Variants in MEF2A observed in about 807,000 individuals in gnomAD.
The protein encoded by MEF2A is myocyte enhancer factor 2A.
In MEF2A, 28 loss-of-function variants were observed where a neutral mutation model predicts 55.8. The ratio of observed to expected loss-of-function variants is 0.50; its 90% CI spans 0.37 to 0.69. The LOEUF is 0.69. Among genes scored for constraint, MEF2A ranks in the 30% least tolerant of loss-of-function variants. MEF2A has a pLI of 0.00. For missense variants in MEF2A, 528 were observed against 626.2 expected, an observed-to-expected ratio of 0.84 and a Z score of 1.67; for synonymous variants, 239 against 227.1, an observed-to-expected ratio of 1.05 and a Z score of -0.47.
At chr15:99,702,663 G>A (rs1277289117) in intron 8 of MEF2A, among the ~76,000 whole-genome samples, 1 of 152,024 alleles carries the variant, frequency 6.6e-6, no homozygotes, top group South Asian at 2.1e-4. Flanking sequence ...CCTGACGTGA[G>A]CCACCGTGCC....
At chr15:99,610,427 A>ATG (rs1976803281) in intron 2 of MEF2A, among the ~76,000 whole-genome samples, 1 of 67,546 alleles carries the variant, frequency 1.5e-5, no homozygotes, top group Non-Finnish European at 2.3e-5. Context: ...CCCCCCCCCC[A>ATG]CCCCCCCCCG....
chr15:99,659,177 C>T (rs952310531), intron 4 of MEF2A, among the ~76,000 whole-genome samples: 1 of 151,834 alleles, frequency 6.6e-6, no homozygotes, highest in African/African-American at 2.4e-5. Flanking sequence ...AGATCTAGAA[C>T]AGAGTTACAT....
intron 9 of MEF2A, among the ~76,000 whole-genome samples, chr15:99,703,891 A>G (rs1445984171): frequency 6.6e-6 from 1 of 152,202 alleles, no homozygotes; most frequent in Non-Finnish European, 1.5e-5. Context: ...ACTAAAAGGA[A>G]TGTCTGTAAT....
Position 99,705,410 on chromosome 15 carries a change from C to T in MEF2A, c.883-1319C>T, listed in dbSNP as rs375799028. Reference sequence around the variant, plus strand: ...GAAAGCACTTCTGACATAGTAACCTCATTTGATTCTCACAGTAGCTGTGCA... The same window carrying T: ...GAAAGCACTTCTGACATAGTAACCTTATTTGATTCTCACAGTAGCTGTGCA... On this transcript the variant is annotated intron_variant, in intron 9 of 11. Coordinates refer to ENST00000557942, the MANE Select transcript of MEF2A (RefSeq NM_001319206.4). 4.1e-4 allele frequency among the ~76,000 whole-genome samples: 62 copies of T among 152,334 alleles called. 1 individual carries two copies. In the South Asian group the frequency reaches 0.012, roughly 31 times the overall value.
intron 1 of MEF2A, among the ~76,000 whole-genome samples, chr15:99,590,244 T>A (rs2152956024): frequency 6.6e-6 from 1 of 152,076 alleles, no homozygotes; most frequent in Non-Finnish European, 1.5e-5. Context: ...TGAAACGTAT[T>A]CCTTCTCCTA....
Position 99,633,145 on chromosome 15 carries a change from C to A in MEF2A, c.26C>A (p.Thr9Lys). 1 of 1,596,862 alleles carries A rather than the reference C, an allele frequency of 6.3e-7. No homozygotes were observed. Among genetic ancestry groups the A allele is most frequent in the East Asian group, 2.3e-5 (1 of 44,100 alleles). Residue 9 changes from threonine to lysine, a missense_variant, in exon 3 of 12, where the codon ACA (threonine) becomes AAA (lysine). Transcript: ENST00000557942. MGRKKIQITRIMDERNRQV... is the reference protein window; with the variant it reads MGRKKIQIKRIMDERNRQV... ...ATGGGGCGGAAGAAAATACAAATCACACGCATAATGGATGAAAGGAACCGA... is the reference window on the plus strand; with the variant it reads ...ATGGGGCGGAAGAAAATACAAATCAAACGCATAATGGATGAAAGGAACCGA...
chr15:99,619,026 G>A (rs189834989), intron 2 of MEF2A, among the ~76,000 whole-genome samples: 6 of 152,336 alleles, frequency 3.9e-5, no homozygotes, highest in African/African-American at 7.2e-5. Flanking sequence ...AGCACTTGAA[G>A]CTTGAAAGAT....
rs372533601 is a variant in MEF2A at position 99,712,485 on chromosome 15, G to C, written c.1232G>C (p.Arg411Pro). ...GAACCGATTTCACCTCCTCGGGATC[G>C]TATGACCCCATCGGGCTTCCAGCAG... ...KSEPISPPRD[R>P]MTPSGFQQQQ... The change falls in exon 12 of 12, where the codon CGT becomes CCT. Residue 411 changes from arginine to proline, a missense_variant. Coordinates refer to ENST00000557942, the MANE Select transcript of MEF2A (RefSeq NM_001319206.4). The surrounding 1 kb of genome is among the most constrained non-coding windows in gnomAD (Gnocchi z 4.1). The C allele has an allele frequency of 6.4e-7, 1 of 1,551,186 alleles. No homozygotes were observed. Among genetic ancestry groups the C allele is most frequent in the East Asian group, 2.4e-5 (1 of 40,896 alleles).
rs142460833 is a variant in MEF2A at position 99,714,429 on chromosome 15, G to A, written c.*1658G>A. 2.0e-4 allele frequency: 31 copies of A among 152,326 alleles called. 1 individual carries two copies. The East Asian group carries it at 5.8e-3, about 28-fold the overall frequency. 9.4% of individuals were successfully genotyped at this position (152,326 alleles called of 1,614,324 possible). A position where few individuals can be genotyped will look rare whatever the true frequency, so the allele number is the denominator to read the frequency against. On this transcript the variant is annotated 3_prime_UTR_variant, in exon 12 of 12. Transcript: ENST00000557942. The stretch of plus-strand genomic sequence containing the variant: ...TTCCTTGACCCTCTGAAAACAGAAC[G>A]ATGCAGCTGGTTACAAAATCCTACC...
chr15:99,631,554 A>T (rs931229508), intron 2 of MEF2A, among the ~76,000 whole-genome samples: 3 of 152,084 alleles, frequency 2.0e-5, no homozygotes, highest in African/African-American at 7.2e-5. Context: ...TGAACTTTCT[A>T]GTTTGGAATT....
intron 4 of MEF2A, among the ~76,000 whole-genome samples, chr15:99,664,568 A>G (rs866505402): frequency 5.9e-5 from 9 of 152,224 alleles, no homozygotes; most frequent in Non-Finnish European, 8.8e-5. Flanking sequence ...AAAGTGGAAA[A>G]AAGATATAAG....
In MEF2A at chr15:99,714,291, A is replaced by G. The variant is rs2058942945; in HGVS notation, c.*1520A>G. 6.6e-6 allele frequency: 1 copy of G among 152,242 alleles called. No individual in the cohort carries two copies. The highest frequency in any genetic ancestry group is 1.5e-5 in the Non-Finnish European group (1 of 68,036). The allele number at this position is 152,242 out of a possible 1,614,324, so 9.4% of individuals were successfully genotyped here. A position where few individuals can be genotyped will look rare whatever the true frequency, so the allele number is the denominator to read the frequency against. ...TGTGAGGAAAAAATGTAGTAGAAAA[A>G]GCTGACCTAATTTAATTAATATTAG... On this transcript the variant is annotated 3_prime_UTR_variant, in exon 12 of 12. Transcript: ENST00000557942.
chr15:99,572,535 C>G (rs1267136528), intron 1 of MEF2A, among the ~76,000 whole-genome samples: 1 of 144,556 alleles, frequency 6.9e-6, no homozygotes, highest in Admixed American at 7.0e-5. Context: ...AGGCAGAGGC[C>G]TTGTTCATCT....
chr15:99,643,448 G>T (rs148302569), intron 3 of MEF2A, among the ~76,000 whole-genome samples: 1 of 152,074 alleles, frequency 6.6e-6, no homozygotes, highest in African/African-American at 2.4e-5. Context: ...TGTCATAAGT[G>T]ATAGTATTTT....
At chr15:99,699,115 A>T (rs2056972795) in intron 8 of MEF2A, among the ~76,000 whole-genome samples, 1 of 152,154 alleles carries the variant, frequency 6.6e-6, no homozygotes, top group Non-Finnish European at 1.5e-5. Context: ...CTCTTTGAGT[A>T]TTTACGCACA....
At chr15:99,639,291 C>T (rs1433978997) in intron 3 of MEF2A, among the ~76,000 whole-genome samples, 3 of 151,978 alleles carry the variant, frequency 2.0e-5, no homozygotes, top group Non-Finnish European at 4.4e-5. Context: ...CATGAATTTA[C>T]ATTGTGTTTT....
chr15:99,599,823 C>G (rs866646650), intron 2 of MEF2A, among the ~76,000 whole-genome samples: 9 of 151,958 alleles, frequency 5.9e-5, no homozygotes, highest in Non-Finnish European at 8.8e-5. Context: ...TGTGGATCAA[C>G]CAACTGTGGA....
At chr15:99,660,332 T>C (rs965874320) in intron 4 of MEF2A, among the ~76,000 whole-genome samples, 3 of 152,204 alleles carry the variant, frequency 2.0e-5, no homozygotes, top group African/African-American at 7.2e-5. Flanking sequence ...TTTTCTCTAC[T>C]GTTTGGGCAC....
intron 4 of MEF2A, among the ~76,000 whole-genome samples, chr15:99,667,576 T>G (rs1325627069): frequency 1.3e-5 from 2 of 152,090 alleles, no homozygotes; most frequent in African/African-American, 2.4e-5. Flanking sequence ...AGTCAAAAAT[T>G]TTAAGTAATT....
Sources: allele counts gnomAD v4.1 joint callset (sites outside exome capture counted in the v4.1 genomes callset), GRCh38; gene constraint gnomAD v4.1.1; non-coding constraint Gnocchi (gnomAD v3.1); transcripts MANE v1.5; gene names NCBI Gene and HGNC (gene_info 2026-07-23, HGNC 2026-07-21).